The following ASMTL variants were observed in gnomAD, a reference collection of about 807,000 sequenced individuals.
The protein encoded by ASMTL is probable bifunctional dTTP/UTP pyrophosphatase/methyltransferase protein.
In ASMTL, 57 loss-of-function variants were observed where a neutral mutation model predicts 60.3. That is an observed-to-expected ratio of 0.95 (90% confidence interval 0.76 to 1.18). The LOEUF is 1.18. Among genes scored for constraint, ASMTL ranks in the 50% most tolerant of loss-of-function variants. The probability of loss-of-function intolerance (pLI) is 0.00; values close to 1 mark genes in which losing one functional copy is unlikely to be tolerated. For missense variants in ASMTL, 981 were observed against 852.6 expected (o/e 1.15, Z -1.88); for synonymous variants, 419 against 373.0 (o/e 1.12, Z -1.42).
chrX:1,418,219 T>C, intron 10 of ASMTL, 103 bp from the exon 11 acceptor site: 1 of 1,312,816 alleles, frequency 7.6e-7, no homozygotes, highest in African/African-American at 1.5e-5. Flanking sequence ...GGGCATGGCA[T>C]TGATTCCCAT....
intron 12 of ASMTL, among the ~76,000 whole-genome samples, chrX:1,411,811 T>TC (rs1385890817): frequency 3.3e-4 from 34 of 101,688 alleles, no homozygotes; most frequent in Admixed American, 3.3e-3. Context: ...ATTTTCTTTT[T>TC]TTTTTTTTTT....
intron 4 of ASMTL, 29 bp from the exon 5 acceptor site, chrX:1,435,112 A>C: frequency 6.2e-7 from 1 of 1,612,338 alleles, no homozygotes; most frequent in Non-Finnish European, 8.5e-7. Flanking sequence ...TGACCACGTG[A>C]CCATGCTGTG....
intron 8 of ASMTL, among the ~76,000 whole-genome samples, chrX:1,422,431 A>G (rs2090506645): frequency 6.6e-6 from 1 of 152,054 alleles, no homozygotes; most frequent in South Asian, 2.1e-4. Flanking sequence ...CAATCACGTA[A>G]GTCCTCAAGA....
At chrX:1,452,720 C>T (rs1209272710) in intron 1 of ASMTL, 28 bp downstream of exon 1, 1 of 1,562,448 alleles carries the variant, frequency 6.4e-7, no homozygotes, top group Admixed American at 1.8e-5. Context: ...GTCCCCGGTC[C>T]CCTGCCCCGC....
At chrX:1,420,862 C>T (rs1359151229) in intron 9 of ASMTL, among the ~76,000 whole-genome samples, 24 of 152,162 alleles carry the variant, frequency 1.6e-4, no homozygotes, top group Admixed American at 1.0e-3. Flanking sequence ...AGCACCATCA[C>T]GGCTTACACT....
At chrX:1,435,583 G>C (rs1291931795) in intron 4 of ASMTL, 111 bp downstream of exon 4, 5 of 1,028,130 alleles carry the variant, frequency 4.9e-6, no homozygotes, top group Non-Finnish European at 7.5e-6. Context: ...GCACAGCTCA[G>C]ACGGCAGAGC....
Position 1,403,322 on chromosome X carries a change from C to T in ASMTL, c.1813G>A (p.Val605Met). The T allele has an allele frequency of 6.2e-7, 1 of 1,613,276 alleles. No homozygotes were observed. Among genetic ancestry groups the T allele is most frequent in the Non-Finnish European group, 8.5e-7 (1 of 1,179,852 alleles). The stretch of plus-strand genomic sequence containing the variant: ...GCATCCAGGACACCCCCCAAGTGCA[C>T]CACCTGCACCTGGTGGAAGCCGTGC... Reference protein sequence around the residue: ...ELHGFHQVQVVHLGGVLDAIL... With the variant: ...ELHGFHQVQVMHLGGVLDAIL... Residue 605 changes from valine to methionine, a missense_variant, in exon 13 of 13, where the codon GTG (valine) becomes ATG (methionine). Physicochemically the swap from Val to Met is conservative, Grantham distance 21. Coordinates refer to ENST00000381317, the MANE Select transcript of ASMTL (RefSeq NM_004192.4).
chrX:1,404,016 G>A (rs4618891), intron 12 of ASMTL, among the ~76,000 whole-genome samples: 2,262 of 150,238 alleles, frequency 0.015, 57 homozygotes, highest in African/African-American at 0.053. Context: ...GGTACATGAT[G>A]GGCAGGTAGA....
chrX:1,447,740 G>C (rs2091259210), intron 1 of ASMTL, among the ~76,000 whole-genome samples: 1 of 129,472 alleles, frequency 7.7e-6, no homozygotes, highest in African/African-American at 3.0e-5. Context: ...GACATGCATG[G>C]CCATCTTTGA....
chrX:1,419,339 T>G (rs1335588735), intron 9 of ASMTL, among the ~76,000 whole-genome samples: 1 of 152,126 alleles, frequency 6.6e-6, no homozygotes, highest in Non-Finnish European at 1.5e-5. Context: ...GACGATCTCC[T>G]TGGAATCACT....
chrX:1,405,870 G>T (rs1237568198), intron 12 of ASMTL, among the ~76,000 whole-genome samples: 1 of 151,626 alleles, frequency 6.6e-6, no homozygotes, highest in Non-Finnish European at 1.5e-5. Flanking sequence ...TGGATAGATG[G>T]ATGCATGGAT....
chrX:1,437,645 C>G (rs1449056837), intron 3 of ASMTL, among the ~76,000 whole-genome samples: 3 of 152,104 alleles, frequency 2.0e-5, no homozygotes, highest in African/African-American at 7.2e-5. Context: ...CGCCTGTAAT[C>G]CTAGCACTTT....
upstream of ASMTL, among the ~76,000 whole-genome samples, chrX:1,453,198 C>T: frequency 6.6e-6 from 1 of 151,900 alleles, no homozygotes; most frequent in Admixed American, 6.6e-5. Context: ...ATTGCCCTCT[C>T]CGCCAGGCCA....
intron 12 of ASMTL, among the ~76,000 whole-genome samples, chrX:1,408,124 G>C (rs111613057): frequency 0.034 from 3,393 of 98,776 alleles, 78 homozygotes; most frequent in African/African-American, 0.071. Flanking sequence ...TCGCTTGAGC[G>C]CAGGAGGTCA....
chrX:1,410,305 C>T (rs1302980345), intron 12 of ASMTL, among the ~76,000 whole-genome samples: 1 of 148,278 alleles, frequency 6.7e-6, no homozygotes, highest in Non-Finnish European at 1.5e-5. Context: ...ACTCGGGAGG[C>T]TGAGGCAGGA....
In ASMTL at chrX:1,438,062, G is replaced by A. The variant is rs184898638; in HGVS notation, c.273+1035C>T. ...CCAGCACTGTGGGAGGCTAAGGTGGGCAGATCACTTGAGGTCGGGAGTTTG... is the reference window on the plus strand; with the variant it reads ...CCAGCACTGTGGGAGGCTAAGGTGGACAGATCACTTGAGGTCGGGAGTTTG... On this transcript the variant is annotated intron_variant, in intron 3 of 12. Coordinates refer to ENST00000381317, the MANE Select transcript of ASMTL (RefSeq NM_004192.4). Among the ~76,000 whole-genome samples, 173 of 151,694 alleles carry A rather than the reference G, an allele frequency of 1.1e-3. No individual in the cohort carries two copies. In the Middle Eastern group the frequency reaches 0.017, roughly 15 times the overall value.
chrX:1,439,177 A>G, intron 2 of ASMTL, 33 bp from the exon 3 acceptor site: 1 of 1,612,432 alleles, frequency 6.2e-7, no homozygotes, highest in Non-Finnish European at 8.5e-7. Context: ...TTTACCGGTG[A>G]CGTGCCGTGG....
At chrX:1,433,490 C>G (rs2090868151) in intron 5 of ASMTL, among the ~76,000 whole-genome samples, 1 of 140,374 alleles carries the variant, frequency 7.1e-6, no homozygotes, top group Non-Finnish European at 1.6e-5. Context: ...ACGGTGAAAC[C>G]CCGTCTCTAC....
intron 12 of ASMTL, among the ~76,000 whole-genome samples, chrX:1,405,516 G>C (rs2089787494): frequency 6.6e-6 from 1 of 150,814 alleles, no homozygotes; most frequent in Non-Finnish European, 1.5e-5. Flanking sequence ...AGATGGATGG[G>C]TGTATAGATG....
Sources: gnomAD v4.1 joint callset for allele counts (sites outside exome capture counted in the v4.1 genomes callset) on GRCh38, gnomAD v4.1.1 for gene constraint, MANE v1.5 for transcripts, NCBI Gene and HGNC (gene_info 2026-07-23, HGNC 2026-07-21) for gene names.